The following STRN3 variants were observed in gnomAD, a reference collection of about 807,000 sequenced individuals.
STRN3 encodes striatin-3.
In STRN3, 29 loss-of-function variants were observed where a neutral mutation model predicts 95.6. The ratio of observed to expected loss-of-function variants is 0.30; its 90% CI spans 0.23 to 0.41. The LOEUF (loss-of-function observed/expected upper bound fraction) is 0.41. Among genes scored for constraint, STRN3 ranks in the 10% least tolerant of loss-of-function variants. The pLI is 1.00. For missense variants in STRN3, 890 were observed against 972.1 expected (o/e 0.92, Z 1.12); for synonymous variants, 331 against 357.6 (o/e 0.93, Z 0.84).
intron 16 of STRN3, 26 bp downstream of exon 16, chr14:30,902,510 A>T (rs542412782): frequency 7.0e-7 from 1 of 1,430,444 alleles, no homozygotes; most frequent in South Asian, 1.2e-5. Context: ...AGTATTACTA[A>T]TATGAAAAGA....
chr14:31,025,142 C>G (rs1294947396), intron 1 of STRN3: 1 of 152,018 alleles, frequency 6.6e-6, no homozygotes, highest in African/African-American at 2.4e-5. Flanking sequence ...CAGCATCGAT[C>G]GTCTGGTTTG....
rs150775697 is a variant in STRN3, at chr14:31,003,027, G to A, written c.282+22877C>T. On this transcript the variant is annotated intron_variant, in intron 1 of 17. Transcript: ENST00000357479. ...GCCTGTAATCCCAGCACTTTGGGAG[G>A]CCGAGGTGGACGGATCATGAGGTCA... Among the ~76,000 whole-genome samples, 494 of 152,206 alleles carry A rather than the reference G, an allele frequency of 3.2e-3. 3 individuals carry two copies. The highest frequency in any genetic ancestry group is 0.011 in the African/African-American group (465 of 41,526).
In STRN3 at chr14:30,919,007, G is replaced by A; in HGVS notation, c.1199C>T (p.Ser400Phe). The A allele has an allele frequency of 3.1e-6, 5 of 1,606,532 alleles. No homozygotes were observed. The highest frequency in any genetic ancestry group is 4.3e-6 in the Non-Finnish European group (5 of 1,175,674). Residue 400 changes from serine (S) to phenylalanine (F), a missense_variant, in exon 9 of 18, where the codon TCT becomes TTT. Physicochemically the swap from Ser to Phe is radical, Grantham distance 155. Coordinates refer to ENST00000357479, the MANE Select transcript of STRN3 (RefSeq NM_001083893.2). ...SGIINQSRSA[S>F]TRMTDHEGAR... ...ACCTTCATGATCAGTCATTCTAGTAGAGGCTGACCTAGACTGATTAATGAT... is the reference window on the plus strand; with the variant it reads ...ACCTTCATGATCAGTCATTCTAGTAAAGGCTGACCTAGACTGATTAATGAT...
intron 16 of STRN3, 131 bp from the exon 17 acceptor site, chr14:30,895,879 C>A (rs45536734): frequency 0.086 from 63,335 of 733,602 alleles, 3,180 homozygotes; most frequent in Middle Eastern, 0.097. Context: ...ATATACACAA[C>A]ATAAAATTTA....
chr14:30,964,489 G>T, intron 1 of STRN3: 1 of 156,192 alleles, frequency 6.4e-6, no homozygotes, highest in South Asian at 1.8e-4. Flanking sequence ...ACAAATTGAA[G>T]AACAGGAGAA....
At chr14:30,963,800 G>C (rs1880331599) in intron 1 of STRN3, among the ~76,000 whole-genome samples, 1 of 152,100 alleles carries the variant, frequency 6.6e-6, no homozygotes, top group Non-Finnish European at 1.5e-5. Flanking sequence ...AAGAAAACTG[G>C]AAATTCACAA....
At chr14:30,967,680 G>A (rs542941838) in intron 1 of STRN3, among the ~76,000 whole-genome samples, 14 of 152,326 alleles carry the variant, frequency 9.2e-5, no homozygotes, top group African/African-American at 2.9e-4. Flanking sequence ...ACCCCATTGT[G>A]AGCACACCTC....
At chr14:30,915,728 T>C (rs1896720840) in intron 9 of STRN3, among the ~76,000 whole-genome samples, 2 of 152,324 alleles carry the variant, frequency 1.3e-5, no homozygotes, top group South Asian at 4.1e-4. Flanking sequence ...CAGAACAAAA[T>C]GCCACAGTTC....
At chr14:30,915,466 T>G (rs1310523827) in intron 9 of STRN3, among the ~76,000 whole-genome samples, 1 of 152,210 alleles carries the variant, frequency 6.6e-6, no homozygotes, top group African/African-American at 2.4e-5. Flanking sequence ...AAGTAGTATT[T>G]AATCTTTCAA....
chr14:31,018,596 G>C (rs1883355646), intron 1 of STRN3: 2 of 501,732 alleles, frequency 4.0e-6, no homozygotes, highest in African/African-American at 2.0e-5. Flanking sequence ...GTTGGACTCA[G>C]AGGTTACCCA....
chr14:30,894,669 C>A lies in STRN3; in HGVS notation c.*742G>T, dbSNP rs1024686364. ...GTTATTTAGCATCTTTATGGAAGGA[C>A]TTAGCTGAGCTGTATTAGGCAAAAG... On this transcript the variant is annotated 3_prime_UTR_variant, in exon 18 of 18. Coordinates refer to ENST00000357479, the MANE Select transcript of STRN3 (RefSeq NM_001083893.2). The A allele has an allele frequency of 6.2e-6, 1 of 160,464 alleles. No individual in the cohort carries two copies. Among genetic ancestry groups the A allele is most frequent in the African/African-American group, 2.4e-5 (1 of 41,452 alleles). The allele number at this position is 160,464 out of a possible 1,614,324, so 9.9% of individuals were successfully genotyped here. A position where few individuals can be genotyped will look rare whatever the true frequency, so the allele number is the denominator to read the frequency against.
intron 9 of STRN3, among the ~76,000 whole-genome samples, chr14:30,914,164 A>G (rs189209663): frequency 1.3e-5 from 2 of 152,332 alleles, no homozygotes; most frequent in East Asian, 1.9e-4. Context: ...GATAAAAACT[A>G]GTACAAACAT....
At chr14:30,929,973 A>AAAAAAAAC (rs1878443131) in intron 7 of STRN3, among the ~76,000 whole-genome samples, 1 of 149,814 alleles carries the variant, frequency 6.7e-6, no homozygotes, top group African/African-American at 2.4e-5. Context: ...AAAAAAAAAA[A>AAAAAAAAC]AAAAAACTCA....
At chr14:30,977,387 T>C (rs1036171724) in intron 1 of STRN3, among the ~76,000 whole-genome samples, 32 of 151,594 alleles carry the variant, frequency 2.1e-4, no homozygotes, top group Non-Finnish European at 1.6e-4. Flanking sequence ...AATCAGCTCA[T>C]TGAAAAGATC....
intron 1 of STRN3, among the ~76,000 whole-genome samples, chr14:30,975,011 C>A: frequency 6.7e-6 from 1 of 149,958 alleles, no homozygotes. Flanking sequence ...GCCTGTGAAG[C>A]AATATAATAT....
At chr14:30,965,822 G>A (rs1056771327) in intron 1 of STRN3, among the ~76,000 whole-genome samples, 5 of 150,520 alleles carry the variant, frequency 3.3e-5, no homozygotes, top group Non-Finnish European at 7.4e-5. Flanking sequence ...CCAGACATCT[G>A]TAATCCCAGT....
rs1186250499 is a variant in STRN3, at chr14:30,895,277, A to G, written c.*134T>C. Reference sequence around the variant, plus strand: ...TTGACATTAAGATGTGATTTCCACCAATTTGTGCCTGCCCCAGATAGCCTT... The same window carrying G: ...TTGACATTAAGATGTGATTTCCACCGATTTGTGCCTGCCCCAGATAGCCTT... On this transcript the variant is annotated 3_prime_UTR_variant, in exon 18 of 18. Transcript: ENST00000357479. 1 of 856,286 alleles carries G rather than the reference A, an allele frequency of 1.2e-6. No individual in the cohort carries two copies. The highest frequency in any genetic ancestry group is 1.7e-6 in the Non-Finnish European group (1 of 581,590). 53.0% of individuals were successfully genotyped at this position (856,286 alleles called of 1,614,324 possible).
Position 31,014,604 on chromosome 14 carries a change from A to G in STRN3, c.282+11300T>C, listed in dbSNP as rs112856930. 1.5e-3 allele frequency: 655 copies of G among 427,354 alleles called. 1 individual carries two copies. Among genetic ancestry groups the G allele is most frequent in the Non-Finnish European group, 2.6e-3 (555 of 214,938 alleles). The allele number at this position is 427,354 out of a possible 1,614,324, so 26.5% of individuals were successfully genotyped here. On this transcript the variant is annotated intron_variant, in intron 1 of 17. Coordinates refer to ENST00000357479, the MANE Select transcript of STRN3 (RefSeq NM_001083893.2). ...GTCCAAAATTTTACTTTACATTTAT[A>G]ATTGCTTTAATTCTAGTCTTTTAAA...
intron 8 of STRN3, among the ~76,000 whole-genome samples, chr14:30,927,973 A>G (rs1878276788): frequency 6.6e-6 from 1 of 151,754 alleles, no homozygotes; most frequent in Admixed American, 6.6e-5. Context: ...CTAAAATTCT[A>G]ATGTCATTTT....
Sources: allele counts gnomAD v4.1 joint callset (sites outside exome capture counted in the v4.1 genomes callset), GRCh38; gene constraint gnomAD v4.1.1; transcripts MANE v1.5; gene names NCBI Gene and HGNC (gene_info 2026-07-23, HGNC 2026-07-21).